The following SDS variants were observed in gnomAD, a reference collection of about 807,000 sequenced individuals.
SDS encodes the protein L-serine dehydratase/L-threonine deaminase.
SDS carries 19 observed loss-of-function variants against 29.3 expected under a neutral mutation model. The observed-to-expected ratio is 0.65, with a 90% CI of 0.45 to 0.95. The LOEUF (loss-of-function observed/expected upper bound fraction) is 0.95. Ranked by LOEUF, SDS falls within the 40% of genes least tolerant of loss-of-function variation. SDS has a pLI of 0.00. For missense variants in SDS, 375 were observed against 439.9 expected (o/e 0.85, Z 1.32); for synonymous variants, 176 against 189.0 (o/e 0.93, Z 0.56).
intron 6 of SDS, among the ~76,000 whole-genome samples, chr12:113,395,169 A>G (rs1392537377): frequency 6.6e-6 from 1 of 152,182 alleles, no homozygotes; most frequent in Non-Finnish European, 1.5e-5. Context: ...CAAGACCTGC[A>G]CTGGTAACCA....
intron 5 of SDS, among the ~76,000 whole-genome samples, chr12:113,398,078 T>C (rs34835808): frequency 3.9e-4 from 56 of 141,798 alleles, no homozygotes; most frequent in Non-Finnish European, 5.3e-4. Context: ...TTTTTTTTTG[T>C]TTTTTTTTTT....
Position 113,397,029 on chromosome 12 carries a change from G to A in SDS, c.653+136C>T, listed in dbSNP as rs934800049. On this transcript the variant is annotated intron_variant, in intron 6 of 7. Coordinates refer to ENST00000257549, the MANE Select transcript of SDS (RefSeq NM_006843.3). ...CAAGCTGTACCACTCACTGGACGTG[G>A]CCCTGGGCAAGCGATCAAAGCCTCC... 6.5e-6 allele frequency: 5 copies of A among 765,806 alleles called. No individual in the cohort carries two copies. In the African/African-American group the frequency reaches 6.9e-5, roughly 11 times the overall value. 47.4% of individuals were successfully genotyped at this position (765,806 alleles called of 1,614,324 possible).
chr12:113,395,581 T>C (rs1305895305), intron 6 of SDS, among the ~76,000 whole-genome samples: 1 of 152,206 alleles, frequency 6.6e-6, no homozygotes, highest in East Asian at 1.9e-4. Context: ...GTGTCTGTCT[T>C]TGAAGGTTGG....
intron 1 of SDS, among the ~76,000 whole-genome samples, chr12:113,402,239 A>C (rs1957688014): frequency 6.6e-6 from 1 of 152,194 alleles, no homozygotes; most frequent in Non-Finnish European, 1.5e-5. Flanking sequence ...GGACATCCCC[A>C]AATCGGCATG....
In SDS at chr12:113,392,949, G is replaced by A; in HGVS notation, c.979C>T (p.Pro327Ser). The change falls in exon 8 of 8, where the codon CCC becomes TCC. Residue 327 changes from proline to serine, a missense_variant. Transcript: ENST00000257549. ...CGGTAAGGGGTCCGTCCTCACTTGG[G>A]CAACCTATTTGTCATGCCCAGCTGT... ...KEQLGMTNRL[P>S]K is the part of the protein sequence containing the mutation. 6.2e-7 allele frequency: 1 copy of A among 1,614,042 alleles called. No homozygotes were observed. Among genetic ancestry groups the A allele is most frequent in the Non-Finnish European group, 8.5e-7 (1 of 1,179,968 alleles).
chr12:113,399,759 G>T, intron 1 of SDS, 49 bp from the exon 2 acceptor site: 3 of 1,441,018 alleles, frequency 2.1e-6, no homozygotes, highest in Non-Finnish European at 2.8e-6. Context: ...TAGCCCCGGT[G>T]CCAGCACTGC....
At chr12:113,396,423 CTCTT>C (rs969279644) in intron 6 of SDS, among the ~76,000 whole-genome samples, 41 of 144,900 alleles carry the variant, frequency 2.8e-4, no homozygotes, top group African/African-American at 5.1e-4. Flanking sequence ...CTTTCTTTCT[CTCTT>C]TCTTTCTCTT....
In SDS at chr12:113,398,568, C is replaced by T. The variant is rs552694829; in HGVS notation, c.372G>A (p.Ala124=). 27 of 1,595,250 alleles carry T rather than the reference C, an allele frequency of 1.7e-5. No homozygotes were observed. The highest frequency in any genetic ancestry group is 1.1e-4 in the East Asian group (5 of 44,544). The change falls in exon 5 of 8, where the codon GCG becomes GCA. Residue 124 remains alanine (A), a synonymous_variant. Coordinates refer to ENST00000257549, the MANE Select transcript of SDS (RefSeq NM_006843.3). ...TGTAGACCCAACCCGGGTTGTTCTT[C>T]GCTAGGGCCTTGGCCAGCTCGAAGG... The part of the protein sequence containing the change: ...DEAFELAKAL[A]KNNPGWVYIP...
rs779693291 is a variant in SDS at position 113,399,547 on chromosome 12, G to A, written c.153+9C>T. The A allele has an allele frequency of 6.4e-7, 1 of 1,569,198 alleles. No homozygotes were observed. The highest frequency in any genetic ancestry group is 1.4e-5 in the African/African-American group (1 of 73,948). On this transcript the variant is annotated intron_variant, in intron 2 of 7. Coordinates refer to ENST00000257549, the MANE Select transcript of SDS (RefSeq NM_006843.3). ...CCCCTGCCCAGATAATGCTGACCCG[G>A]TCCCGTACCCTCTTGCAGAAGTGCC...
intron 6 of SDS, among the ~76,000 whole-genome samples, chr12:113,394,659 C>A (rs1957634413): frequency 6.6e-6 from 1 of 152,126 alleles, no homozygotes; most frequent in South Asian, 2.1e-4. Flanking sequence ...TCTTGAACTC[C>A]TGGGCTCAAG....
At position 113,399,130 on chromosome 12, in the gene SDS, G is replaced by T; in HGVS notation, c.175C>A (p.His59Asn). 1 of 1,614,006 alleles carries T rather than the reference G, an allele frequency of 6.2e-7. No individual in the cohort carries two copies. Among genetic ancestry groups the T allele is most frequent in the Non-Finnish European group, 8.5e-7 (1 of 1,179,934 alleles). ...CACTTACCCGAGGAGCAGACAAAAT[G>T]TGCACAGCCTTGCTTGGCCCACTGT... Reference protein sequence around the residue: ...CKRWAKQGCAHFVCSSAGNAG... With the variant: ...CKRWAKQGCANFVCSSAGNAG... Residue 59 changes from histidine to asparagine, a missense_variant, in exon 3 of 8, where the codon CAT (histidine) becomes AAT (asparagine). Transcript: ENST00000257549.
At chr12:113,403,565 C>T (rs1957699603) in intron 1 of SDS, among the ~76,000 whole-genome samples, 1 of 151,898 alleles carries the variant, frequency 6.6e-6, no homozygotes, top group Non-Finnish European at 1.5e-5. Context: ...GGGGGGGTCT[C>T]ACTCTGTTGC....
At position 113,395,408 on chromosome 12, in the gene SDS, T is replaced by C. The variant is rs146142975; in HGVS notation, c.654-1392A>G. Among the ~76,000 whole-genome samples, 344 of 152,300 alleles carry C rather than the reference T, an allele frequency of 2.3e-3. 2 individuals carry two copies. Among genetic ancestry groups the C allele is most frequent in the Non-Finnish European group, 3.9e-3 (264 of 68,020 alleles). ...AATCTGGAAGAAGTTCTTACCTGGC[T>C]GGGCTCAGTCTTCCCTATCTGTAGG... is the stretch of plus-strand genomic sequence containing the variant. On this transcript the variant is annotated intron_variant, in intron 6 of 7. Transcript: ENST00000257549.
intron 1 of SDS, among the ~76,000 whole-genome samples, chr12:113,401,051 T>C (rs1481281751): frequency 6.6e-6 from 1 of 151,998 alleles, no homozygotes; most frequent in Non-Finnish European, 1.5e-5. Flanking sequence ...GAGGCGGAGC[T>C]TGTAGTGAGC....
At chr12:113,394,137 G>A in intron 6 of SDS, 121 bp from the exon 7 acceptor site, 3 of 901,366 alleles carry the variant, frequency 3.3e-6, no homozygotes, top group Non-Finnish European at 5.2e-6. Flanking sequence ...GGGGGCAGGG[G>A]GACAGGTATC....
chr12:113,402,811 G>GCCTGCCCCAAGGATC (rs892703483), intron 1 of SDS, among the ~76,000 whole-genome samples: 19 of 152,214 alleles, frequency 1.2e-4, no homozygotes, highest in Admixed American at 1.1e-3. Flanking sequence ...ACTGCATCCA[G>GCCTGCCCCAAGGATC]CCTGCCCCAA....
intron 5 of SDS, among the ~76,000 whole-genome samples, chr12:113,397,854 C>G (rs890927996): frequency 6.6e-6 from 1 of 152,184 alleles, no homozygotes; most frequent in African/African-American, 2.4e-5. Flanking sequence ...CTTCCCCACT[C>G]CCCCACTGAA....
In SDS at chr12:113,398,752, A is replaced by G. The variant is rs748379341; in HGVS notation, c.288T>C (p.Ile96=). The G allele has an allele frequency of 5.0e-6, 8 of 1,614,144 alleles. No individual in the cohort carries two copies. The South Asian group carries it at 8.8e-5, about 18-fold the overall frequency. ...VVPSTTPALT[I]ERLKNEGATV... ...TGGCACCTTCATTCTTGAGGCGCTCAATGGTGAGAGCAGGTGTGGTGCTGG... is the reference window on the plus strand; with the variant it reads ...TGGCACCTTCATTCTTGAGGCGCTCGATGGTGAGAGCAGGTGTGGTGCTGG... Residue 96 remains isoleucine, a synonymous_variant, in exon 4 of 8, where the codon ATT becomes ATC. Transcript: ENST00000257549.
At chr12:113,396,128 A>G (rs116941089) in intron 6 of SDS, among the ~76,000 whole-genome samples, 23 of 152,246 alleles carry the variant, frequency 1.5e-4, no homozygotes, top group African/African-American at 4.3e-4. Context: ...CAAACAAACT[A>G]TCAAAGGTTT....
Sources: gnomAD v4.1 joint callset for allele counts (sites outside exome capture counted in the v4.1 genomes callset) on GRCh38, gnomAD v4.1.1 for gene constraint, MANE v1.5 for transcripts, NCBI Gene and HGNC (gene_info 2026-07-23, HGNC 2026-07-21) for gene names.